PHACTR1: variants seen among roughly 807,000 people sequenced by gnomAD.
PHACTR1 encodes phosphatase and actin regulator 1.
In PHACTR1, 16 loss-of-function variants were observed where a neutral mutation model predicts 69.2. The ratio of observed to expected loss-of-function variants is 0.23; its 90% CI spans 0.16 to 0.35. The LOEUF (loss-of-function observed/expected upper bound fraction) is 0.35, where lower values mean the gene tolerates loss of function less well. PHACTR1 is among the 10% of genes least tolerant of loss of function. The pLI is 1.00. For missense variants in PHACTR1, 510 were observed against 734.7 expected (o/e 0.69, Z 3.54); for synonymous variants, 312 against 284.5 (o/e 1.10, Z -0.97).
intron 4 of PHACTR1, among the ~76,000 whole-genome samples, chr6:12,793,423 G>A (rs577607441): frequency 2.5e-4 from 38 of 152,262 alleles, no homozygotes; most frequent in African/African-American, 8.4e-4. Context: ...CTGTCCTAGT[G>A]CCTTTTTCTC....
At chr6:12,834,059 C>T (rs1029345743) in intron 4 of PHACTR1, among the ~76,000 whole-genome samples, 1 of 152,146 alleles carries the variant, frequency 6.6e-6, no homozygotes, top group Non-Finnish European at 1.5e-5. Flanking sequence ...TGGCTCTGAT[C>T]AACCAGCTAT....
chr6:13,004,836 C>T (rs964617214), intron 4 of PHACTR1, among the ~76,000 whole-genome samples: 4 of 152,154 alleles, frequency 2.6e-5, no homozygotes, highest in Non-Finnish European at 5.9e-5. Flanking sequence ...GTGCAACTTC[C>T]TCTCACCAGC....
Position 13,278,343 on chromosome 6 carries a change from C to T in PHACTR1, c.1509+14C>T. ...CTAACCCGAAAGGTAGGTGGTTCTC[C>T]ATGCCAAGAGCTGGGACAGGAGAGG... On this transcript the variant is annotated intron_variant, in intron 12 of 14. Transcript: ENST00000332995. The T allele has an allele frequency of 1.3e-6, 2 of 1,583,950 alleles. No homozygotes were observed. Among genetic ancestry groups the T allele is most frequent in the South Asian group, 2.3e-5 (2 of 86,668 alleles).
intron 4 of PHACTR1, among the ~76,000 whole-genome samples, chr6:12,750,625 G>A (rs1766501900): frequency 6.6e-6 from 1 of 152,094 alleles, no homozygotes; most frequent in African/African-American, 2.4e-5. Flanking sequence ...GTCAAAAAAT[G>A]CCTCAGTTGA....
In PHACTR1 at chr6:13,114,428, C is replaced by T. The variant is rs192259835; in HGVS notation, c.416-45776C>T. On this transcript the variant is annotated intron_variant, in intron 5 of 14. Transcript: ENST00000332995. Reference sequence around the variant, plus strand: ...TCCTGTCTGACTTGATCTGCAGCATCGAGTCAACCCTCCTTTCCCCAAGGG... The same window carrying T: ...TCCTGTCTGACTTGATCTGCAGCATTGAGTCAACCCTCCTTTCCCCAAGGG... Among the ~76,000 whole-genome samples, 248 of 152,202 alleles carry T rather than the reference C, an allele frequency of 1.6e-3. 2 individuals are homozygous for T. The highest frequency in any genetic ancestry group is 5.4e-3 in the African/African-American group (225 of 41,512).
At chr6:12,990,018 G>A (rs1264221637) in intron 4 of PHACTR1, among the ~76,000 whole-genome samples, 1 of 152,150 alleles carries the variant, frequency 6.6e-6, no homozygotes, top group Non-Finnish European at 1.5e-5. Context: ...ATGGGAACAT[G>A]ATGGCAATTA....
chr6:13,187,568 A>G (rs1350877443), intron 7 of PHACTR1, among the ~76,000 whole-genome samples: 2 of 152,210 alleles, frequency 1.3e-5, no homozygotes, highest in African/African-American at 4.8e-5. Flanking sequence ...AAAACTTTGG[A>G]GGTTTTTAAG....
intron 5 of PHACTR1, among the ~76,000 whole-genome samples, chr6:13,109,434 T>C (rs1471674657): frequency 6.6e-6 from 1 of 151,986 alleles, no homozygotes; most frequent in Non-Finnish European, 1.5e-5. Flanking sequence ...GATTTTTTTT[T>C]CTATAATATA....
chr6:12,861,496 G>A (rs916701071), intron 4 of PHACTR1, among the ~76,000 whole-genome samples: 4 of 152,186 alleles, frequency 2.6e-5, no homozygotes, highest in African/African-American at 9.7e-5. Flanking sequence ...TTGAAAAGAG[G>A]AAACAGAGAA....
At chr6:12,931,003 C>CAAAAAAAAAAAAAAAAA (rs34965562) in intron 4 of PHACTR1, among the ~76,000 whole-genome samples, 1 of 86,190 alleles carries the variant, frequency 1.2e-5, no homozygotes, top group Non-Finnish European at 2.4e-5. Flanking sequence ...AACTCTGTCT[C>CAAAAAAAAAAAAAAAAA]AAAAAAAAAA....
At chr6:13,024,880 T>A (rs930285016) in intron 4 of PHACTR1, among the ~76,000 whole-genome samples, 1 of 152,202 alleles carries the variant, frequency 6.6e-6, no homozygotes, top group African/African-American at 2.4e-5. Context: ...CAATGCAGAT[T>A]CCTGTGGTAA....
At chr6:12,752,692 CTT>C (rs1766776261) in intron 4 of PHACTR1, among the ~76,000 whole-genome samples, 3 of 152,150 alleles carry the variant, frequency 2.0e-5, no homozygotes, top group African/African-American at 7.2e-5. Context: ...TAATTAAACA[CTT>C]AAGGATTTTT....
Position 13,206,013 on chromosome 6 carries a change from A to T in PHACTR1, c.863A>T (p.Gln288Leu). Residue 288 changes from glutamine to leucine, a missense_variant, in exon 8 of 15, where the codon CAG (glutamine) becomes CTG (leucine). Physicochemically the swap from Gln to Leu is moderately radical, Grantham distance 113 (BLOSUM62 -2). Transcript: ENST00000332995. ...CCCTCCCAGATCCAGCACCAGCTGC[A>T]GTACGGCAGCCACGGCCAGCACCTC... is the stretch of plus-strand genomic sequence containing the variant. ...VLPSQIQHQLQYGSHGQHLPS... is the reference protein window; with the variant it reads ...VLPSQIQHQLLYGSHGQHLPS... 6.2e-7 allele frequency: 1 copy of T among 1,613,834 alleles called. No individual in the cohort carries two copies. The highest frequency in any genetic ancestry group is 8.5e-7 in the Non-Finnish European group (1 of 1,179,862).
chr6:13,263,854 T>C (rs979662991), intron 10 of PHACTR1, among the ~76,000 whole-genome samples: 1 of 152,212 alleles, frequency 6.6e-6, no homozygotes, highest in African/African-American at 2.4e-5. Flanking sequence ...GGTGACCACG[T>C]CGTCGTGCTC....
rs114541735 is a variant in PHACTR1, at chr6:12,940,627, G to A, written c.251-112738G>A. Among the ~76,000 whole-genome samples, 937 of 152,230 alleles carry A rather than the reference G, an allele frequency of 6.2e-3. 8 individuals are homozygous for A. Among genetic ancestry groups the A allele is most frequent in the African/African-American group, 0.021 (873 of 41,540 alleles). ...AGAAGTGATGGAAATATACATTCTC[G>A]CCTCTGTGTGTCATGTCCTACATAC... On this transcript the variant is annotated intron_variant, in intron 4 of 14. Transcript: ENST00000332995.
chr6:12,878,839 G>A (rs1038484900), intron 4 of PHACTR1, among the ~76,000 whole-genome samples: 10 of 152,276 alleles, frequency 6.6e-5, no homozygotes, highest in Middle Eastern at 3.4e-3. Context: ...CTTTGAAACT[G>A]TTGTCTAAAA....
At chr6:13,038,488 T>TA (rs34433834) in intron 4 of PHACTR1, among the ~76,000 whole-genome samples, 22,542 of 124,068 alleles carry the variant, frequency 0.18, 2,209 homozygotes, top group Middle Eastern at 0.26. Context: ...TTCAAGTGTT[T>TA]AAAAAAAAAA....
At position 13,287,049 on chromosome 6, in the gene PHACTR1, G is replaced by T; in HGVS notation, c.1728-14G>T. The stretch of plus-strand genomic sequence containing the variant: ...GCAGCCCCTTGGTCTTGATGTAATT[G>T]TTTGTTTCCTTAGGTTTCACCGACC... On this transcript the variant is annotated splice_polypyrimidine_tract_variant and intron_variant, in intron 14 of 14. Coordinates refer to ENST00000332995, the MANE Select transcript of PHACTR1 (RefSeq NM_030948.6). The T allele has an allele frequency of 1.2e-6, 2 of 1,607,700 alleles. No homozygotes were observed. The highest frequency in any genetic ancestry group is 1.7e-6 in the Non-Finnish European group (2 of 1,176,854).
chr6:12,870,048 T>A (rs1268750245), intron 4 of PHACTR1, among the ~76,000 whole-genome samples: 1 of 152,096 alleles, frequency 6.6e-6, no homozygotes, highest in East Asian at 1.9e-4. Flanking sequence ...CCCTCATACA[T>A]TTTATTGGAT....
Sources: gnomAD v4.1 joint callset for allele counts (sites outside exome capture counted in the v4.1 genomes callset) on GRCh38, gnomAD v4.1.1 for gene constraint, MANE v1.5 for transcripts, NCBI Gene and HGNC (gene_info 2026-07-23, HGNC 2026-07-21) for gene names.